IL17RB: variants seen among roughly 807,000 people sequenced by gnomAD.
IL17RB encodes interleukin 17 receptor B.
A neutral mutation model predicts 43.9 loss-of-function variants in IL17RB; 36 were observed. The observed-to-expected ratio is 0.82, with a 90% confidence interval of 0.63 to 1.08. IL17RB has a LOEUF of 1.08. IL17RB is among the 50% of genes least tolerant of loss of function. The pLI is 0.00. For synonymous variants in IL17RB, 225 were observed against 225.4 expected (o/e 1.00, Z 0.02); for missense variants, 613 against 613.6 (o/e 1.00, Z 0.01).
At chr3:53,856,530 C>T (rs553597700) in intron 6 of IL17RB, among the ~76,000 whole-genome samples, 1 of 152,334 alleles carries the variant, frequency 6.6e-6, no homozygotes, top group South Asian at 2.1e-4. Flanking sequence ...GTAGAAAATA[C>T]TGACCCTATC....
chr3:53,855,262 T>TA, intron 5 of IL17RB, 32 bp from the exon 6 acceptor site: 1 of 1,533,588 alleles, frequency 6.5e-7, no homozygotes, highest in Non-Finnish European at 9.0e-7. Context: ...TACCTTTTTC[T>TA]AAAATGTAAA....
intron 5 of IL17RB, among the ~76,000 whole-genome samples, chr3:53,853,979 C>G (rs1393608503): frequency 6.6e-6 from 1 of 152,102 alleles, no homozygotes; most frequent in South Asian, 2.1e-4. Context: ...TCACTGCAAC[C>G]TCCGCCTCTT....
chr3:53,857,073 G>T, intron 7 of IL17RB, 87 bp downstream of exon 7: 1 of 1,373,176 alleles, frequency 7.3e-7, no homozygotes, highest in South Asian at 1.2e-5. Context: ...GTCCAAACGT[G>T]CTGGGCTACT....
chr3:53,865,378 G>C lies in IL17RB; in HGVS notation c.*70G>C. The C allele has an allele frequency of 1.6e-6, 2 of 1,243,062 alleles. 1 individual carries two copies. Among genetic ancestry groups the C allele is most frequent in the Non-Finnish European group, 2.2e-6 (2 of 902,190 alleles). The allele number at this position is 1,243,062 out of a possible 1,614,324, so 77.0% of individuals were successfully genotyped here. On this transcript the variant is annotated 3_prime_UTR_variant, in exon 11 of 11. Transcript: ENST00000288167. ...CAATTACAGGGAAAAAACGTGTGAT[G>C]ATCCTGAAGCTTACTATGCAGCCTA...
At chr3:53,850,949 C>A (rs1031604748) in intron 3 of IL17RB, among the ~76,000 whole-genome samples, 1 of 152,194 alleles carries the variant, frequency 6.6e-6, no homozygotes, top group African/African-American at 2.4e-5. Flanking sequence ...TCAAGTGGTA[C>A]ACTTATGTGT....
At chr3:53,856,640 C>T (rs1348198324) in intron 6 of IL17RB, among the ~76,000 whole-genome samples, 8 of 152,162 alleles carry the variant, frequency 5.3e-5, no homozygotes, top group East Asian at 3.8e-4. Context: ...AGCAAAGCAG[C>T]GATGTACGGA....
Position 53,864,783 on chromosome 3 carries a change from A to G in IL17RB, c.984A>G (p.Leu328=). 1 of 1,613,520 alleles carries G rather than the reference A, an allele frequency of 6.2e-7. No individual in the cohort carries two copies. The highest frequency in any genetic ancestry group is 8.5e-7 in the Non-Finnish European group (1 of 1,179,866). The part of the protein sequence containing the change: ...IKKTSFSTTT[L]LPPIKVLVVY... ...AGACTTCCTTTTCTACCACCACACT[A>G]CTGCCCCCCATTAAGGTTCTTGTGG... The change falls in exon 11 of 11, where the codon CTA becomes CTG. Residue 328 remains leucine, a synonymous_variant. Coordinates refer to ENST00000288167, the MANE Select transcript of IL17RB (RefSeq NM_018725.4).
At chr3:53,849,868 T>C in intron 3 of IL17RB, 73 bp downstream of exon 3, 1 of 1,402,472 alleles carries the variant, frequency 7.1e-7, no homozygotes, top group Non-Finnish European at 9.6e-7. Context: ...ATATGAACCA[T>C]TAATTCCCCT....
intron 10 of IL17RB, 107 bp from the exon 11 acceptor site, chr3:53,864,639 G>A: frequency 1.2e-6 from 1 of 840,278 alleles, no homozygotes; most frequent in Non-Finnish European, 1.9e-6. Context: ...GGCCCTTGGT[G>A]CTCAGCTGAC....
chr3:53,860,276 T>G, intron 10 of IL17RB, 48 bp downstream of exon 10: 1 of 1,497,508 alleles, frequency 6.7e-7, no homozygotes, highest in Middle Eastern at 2.0e-4. Flanking sequence ...AAATAACATT[T>G]TGAATTTTTT....
At chr3:53,852,756 C>T (rs918627834) in intron 4 of IL17RB, 115 bp from the exon 5 acceptor site, 2 of 950,904 alleles carry the variant, frequency 2.1e-6, no homozygotes, top group East Asian at 5.0e-5. Context: ...GGTTGGAGAC[C>T]TAAGTTTTCA....
At position 53,860,238 on chromosome 3, in the gene IL17RB, A is replaced by G. The variant is rs763318736; in HGVS notation, c.946+10A>G. The stretch of plus-strand genomic sequence containing the variant: ...CTAATGTGGAGGCACGGTAAGGGTT[A>G]TAATTCTTTAAAGACATCCTAGTAA... On this transcript the variant is annotated intron_variant, in intron 10 of 10. Transcript: ENST00000288167. The G allele has an allele frequency of 2.4e-5, 39 of 1,596,012 alleles. 1 individual carries two copies. The South Asian group carries it at 3.7e-4, about 15-fold the overall frequency.
At chr3:53,864,081 C>G (rs1331790688) in intron 10 of IL17RB, among the ~76,000 whole-genome samples, 1 of 152,060 alleles carries the variant, frequency 6.6e-6, no homozygotes, top group Non-Finnish European at 1.5e-5. Flanking sequence ...CCTTGGCCTC[C>G]CAAAGTGCTG....
chr3:53,861,287 C>CAAA (rs199687637), intron 10 of IL17RB: 1 of 148,150 alleles, frequency 6.7e-6, no homozygotes, highest in African/African-American at 2.5e-5. Context: ...TGAAAAAAAG[C>CAAA]AAAAAAAACT....
At chr3:53,859,648 A>T (rs891516695) in intron 9 of IL17RB, 1 of 153,166 alleles carries the variant, frequency 6.5e-6, no homozygotes. Context: ...AACCAAAAAA[A>T]CTGGACAGAA....
Position 53,865,028 on chromosome 3 carries a change from A to C in IL17RB, c.1229A>C (p.Lys410Thr), listed in dbSNP as rs200188637. Residue 410 changes from lysine to threonine, a missense_variant, in exon 11 of 11, where the codon AAG (lysine) becomes ACG (threonine). Coordinates refer to ENST00000288167, the MANE Select transcript of IL17RB (RefSeq NM_018725.4). ...AGTGTGTGCGATGGTACCTGTGGCA[A>C]GAGCGAGGGCAGTCCCAGTGAGAAC... ...VNSVCDGTCGKSEGSPSENSQ... is the reference protein window; with the variant it reads ...VNSVCDGTCGTSEGSPSENSQ... The C allele has an allele frequency of 1.5e-5, 25 of 1,614,224 alleles. No homozygotes were observed. The Middle Eastern group carries it at 4.9e-4, about 32-fold the overall frequency.
chr3:53,855,153 T>G, intron 5 of IL17RB, 141 bp from the exon 6 acceptor site: 2 of 405,490 alleles, frequency 4.9e-6, no homozygotes. Context: ...TAGAGCCCCA[T>G]TTGAATTTGC....
At chr3:53,850,923 T>C (rs1699119759) in intron 3 of IL17RB, among the ~76,000 whole-genome samples, 1 of 152,232 alleles carries the variant, frequency 6.6e-6, no homozygotes, top group Non-Finnish European at 1.5e-5. Context: ...ACTGGTTGCA[T>C]GAGTGTCCCG....
intron 1 of IL17RB, 152 bp downstream of exon 1, chr3:53,846,800 C>T: frequency 2.6e-6 from 2 of 782,024 alleles, no homozygotes; most frequent in South Asian, 3.8e-5. Context: ...CCCCGGACAT[C>T]GGCGTCAGGT....
Sources: allele counts gnomAD v4.1 joint callset (sites outside exome capture counted in the v4.1 genomes callset), GRCh38; gene constraint gnomAD v4.1.1; transcripts MANE v1.5; gene names NCBI Gene and HGNC (gene_info 2026-07-23, HGNC 2026-07-21).